Variants in CDK14 observed in about 807,000 individuals in gnomAD.
The protein encoded by CDK14 is cyclin-dependent kinase 14.
In CDK14, 34 loss-of-function variants were observed where a neutral mutation model predicts 60.7. The observed-to-expected ratio is 0.56, with a 90% CI of 0.43 to 0.75. The LOEUF (loss-of-function observed/expected upper bound fraction) is 0.75, where lower values mean the gene tolerates loss of function less well. Ranked by LOEUF, CDK14 falls within the 30% of genes least tolerant of loss-of-function variation. CDK14 has a pLI of 0.00. For missense variants in CDK14, 482 were observed against 564.1 expected, an observed-to-expected ratio of 0.85 and a Z score of 1.47; for synonymous variants, 197 against 203.7, an observed-to-expected ratio of 0.97 and a Z score of 0.28.
intron 2 of CDK14, among the ~76,000 whole-genome samples, chr7:90,665,259 C>T (rs983388230): frequency 2.6e-5 from 4 of 151,208 alleles, no homozygotes; most frequent in African/African-American, 7.3e-5. Flanking sequence ...TACTCCAGCC[C>T]GGCAACAGAG....
intron 4 of CDK14, among the ~76,000 whole-genome samples, chr7:90,760,204 TA>T (rs1273911184): frequency 3.3e-5 from 5 of 151,680 alleles, no homozygotes; most frequent in African/African-American, 1.2e-4. Flanking sequence ...CCAGGAGAAA[TA>T]GGGGGGAAGA....
At chr7:90,611,747 CATA>C (rs1799541796) in intron 2 of CDK14, among the ~76,000 whole-genome samples, 2 of 152,150 alleles carry the variant, frequency 1.3e-5, no homozygotes, top group Admixed American at 1.3e-4. Context: ...GGTTTAACTC[CATA>C]CTCCTAGCTT....
At chr7:90,890,723 TAGCAATGTAGG>T (rs1792092171) in intron 6 of CDK14, among the ~76,000 whole-genome samples, 1 of 152,208 alleles carries the variant, frequency 6.6e-6, no homozygotes, top group East Asian at 1.9e-4. Context: ...TTAATTCTTA[TAGCAATGTAGG>T]CTGAATAAAA....
intron 10 of CDK14, among the ~76,000 whole-genome samples, chr7:91,042,233 CTGATA>C (rs1159682201): frequency 6.6e-6 from 1 of 152,120 alleles, no homozygotes; most frequent in Non-Finnish European, 1.5e-5. Context: ...TGAAAGTGTT[CTGATA>C]TAAGCCTCTC....
chr7:90,786,756 T>A (rs1186979789), intron 4 of CDK14, among the ~76,000 whole-genome samples: 3 of 47,754 alleles, frequency 6.3e-5, no homozygotes, highest in Non-Finnish European at 3.9e-5. Context: ...TTCTCTAAAA[T>A]TTTTTTTTTT....
intron 6 of CDK14, among the ~76,000 whole-genome samples, chr7:90,868,276 A>G (rs1791249929): frequency 1.3e-5 from 2 of 149,630 alleles, no homozygotes; most frequent in African/African-American, 2.5e-5. Flanking sequence ...TTACATATAT[A>G]TGTATATATA....
chr7:90,670,767 C>T (rs1801080100), intron 2 of CDK14, among the ~76,000 whole-genome samples: 1 of 152,108 alleles, frequency 6.6e-6, no homozygotes, highest in African/African-American at 2.4e-5. Flanking sequence ...GACCTCCTCC[C>T]ACAGGCCCAG....
chr7:90,813,684 G>C (rs1299601231), intron 5 of CDK14, among the ~76,000 whole-genome samples: 2 of 152,136 alleles, frequency 1.3e-5, no homozygotes, highest in Non-Finnish European at 2.9e-5. Flanking sequence ...AGGAGGCAGA[G>C]GTTGCAGTGA....
At position 91,116,717 on chromosome 7, in the gene CDK14, C is replaced by G. The variant is rs78418058; in HGVS notation, c.1295-1348C>G. Among the ~76,000 whole-genome samples, 47 of 152,238 alleles carry G rather than the reference C, an allele frequency of 3.1e-4. No individual in the cohort carries two copies. The East Asian group carries it at 8.3e-3, about 27-fold the overall frequency. On this transcript the variant is annotated intron_variant, in intron 13 of 14. Transcript: ENST00000380050. ...GCTTTCGAAGTCTCTATCCATTGGT[C>G]TTTTCCCAGCCTATCGAAGATTCAA... is the stretch of plus-strand genomic sequence containing the variant.
intron 3 of CDK14, among the ~76,000 whole-genome samples, chr7:90,742,587 A>T (rs1803391736): frequency 6.6e-6 from 1 of 151,942 alleles, no homozygotes; most frequent in Non-Finnish European, 1.5e-5. Flanking sequence ...TGTCTTTATT[A>T]ATCTCTTCCT....
intron 5 of CDK14, among the ~76,000 whole-genome samples, chr7:90,857,882 G>A (rs570521836): frequency 2.8e-4 from 42 of 152,174 alleles, no homozygotes; most frequent in Admixed American, 9.8e-4. Context: ...GTCACCTACC[G>A]TGATGTTGGT....
At chr7:90,713,538 A>C (rs549258857) in intron 2 of CDK14, among the ~76,000 whole-genome samples, 1 of 152,024 alleles carries the variant, frequency 6.6e-6, no homozygotes, top group South Asian at 2.1e-4. Flanking sequence ...TGCATGTTAA[A>C]TTTGAGTGGT....
At chr7:90,740,764 G>C (rs908465661) in intron 3 of CDK14, among the ~76,000 whole-genome samples, 5 of 152,108 alleles carry the variant, frequency 3.3e-5, no homozygotes, top group African/African-American at 9.7e-5. Flanking sequence ...TTTAAACACT[G>C]TTAATTTGTT....
intron 14 of CDK14, among the ~76,000 whole-genome samples, chr7:91,131,222 G>T (rs996010876): frequency 1.3e-5 from 2 of 151,694 alleles, no homozygotes; most frequent in African/African-American, 4.8e-5. Flanking sequence ...TATTTTTTAT[G>T]ACCTGGATGC....
At chr7:91,171,137 C>T (rs1005386223) in intron 14 of CDK14, among the ~76,000 whole-genome samples, 14 of 152,040 alleles carry the variant, frequency 9.2e-5, no homozygotes, top group African/African-American at 3.4e-4. Flanking sequence ...ATCACAAGGT[C>T]AGAAGATTGA....
At chr7:90,830,400 A>G (rs958325378) in intron 5 of CDK14, among the ~76,000 whole-genome samples, 1 of 152,280 alleles carries the variant, frequency 6.6e-6, no homozygotes, top group Non-Finnish European at 1.5e-5. Flanking sequence ...CCAGGATGCA[A>G]GGCACCATGT....
chr7:91,065,339 A>G (rs1411180821), intron 11 of CDK14, among the ~76,000 whole-genome samples: 1 of 152,242 alleles, frequency 6.6e-6, no homozygotes, highest in Admixed American at 6.5e-5. Context: ...AATCTGAGCC[A>G]TTAAATATCT....
intron 12 of CDK14, among the ~76,000 whole-genome samples, chr7:91,090,952 A>G (rs533469833): frequency 6.6e-6 from 1 of 151,446 alleles, no homozygotes; most frequent in Non-Finnish European, 1.5e-5. Flanking sequence ...GTGTCGGGCT[A>G]CATAGAAGCT....
At chr7:91,042,623 G>C (rs531640203) in intron 10 of CDK14, among the ~76,000 whole-genome samples, 1 of 152,294 alleles carries the variant, frequency 6.6e-6, no homozygotes, top group South Asian at 2.1e-4. Flanking sequence ...TTAAATGGAT[G>C]TGTAGAAGAC....
Sources: gnomAD v4.1 joint callset for allele counts (sites outside exome capture counted in the v4.1 genomes callset) on GRCh38, gnomAD v4.1.1 for gene constraint, MANE v1.5 for transcripts, NCBI Gene and HGNC (gene_info 2026-07-23, HGNC 2026-07-21) for gene names.